SEPTIN5: variants seen among roughly 807,000 people sequenced by gnomAD.
SEPTIN5 encodes septin 5.
A neutral mutation model predicts 51.2 loss-of-function variants in SEPTIN5; 16 were observed. The observed-to-expected ratio is 0.31, with a 90% CI of 0.21 to 0.47. The LOEUF is 0.47. Ranked by LOEUF, SEPTIN5 falls within the 20% of genes least tolerant of loss-of-function variation. SEPTIN5 has a pLI of 0.99. For missense variants in SEPTIN5, 376 were observed against 500.3 expected (o/e 0.75, Z 2.37); for synonymous variants, 208 against 191.2 (o/e 1.09, Z -0.72).
chr22:19,721,002 C>T (rs1423908860), intron 8 of SEPTIN5, 133 bp downstream of exon 8: 1 of 759,566 alleles, frequency 1.3e-6, no homozygotes, highest in East Asian at 2.7e-5. Flanking sequence ...GTCATTTGTT[C>T]TAGGAGTAGA....
chr22:19,722,285 G>A lies in SEPTIN5; in HGVS notation c.999G>A (p.Pro333=), dbSNP rs759084605. ...TGGAGAGCCCCATCCCGATCCTGCC[G>A]CTGCCCACCCCGGACGCCGAGACTG... The part of the protein sequence containing the change: ...SRMESPIPIL[P]LPTPDAETEK... The change falls in exon 11 of 12, where the codon CCG becomes CCA. Residue 333 remains proline (P), a synonymous_variant. Transcript: ENST00000455784. 6.2e-7 allele frequency: 1 copy of A among 1,611,476 alleles called. No individual in the cohort carries two copies. The highest frequency in any genetic ancestry group is 1.7e-5 in the Admixed American group (1 of 59,916).
chr22:19,715,469 C>G (rs917546464), intron 2 of SEPTIN5, among the ~76,000 whole-genome samples: 18 of 150,820 alleles, frequency 1.2e-4, no homozygotes, highest in East Asian at 6.0e-4. Flanking sequence ...GAAACCCAGC[C>G]GAGCTCAGGG....
chr22:19,723,242 C>T lies in SEPTIN5; in HGVS notation c.*758C>T, dbSNP rs984300102. The T allele has an allele frequency of 7.6e-6, 5 of 660,012 alleles. No individual in the cohort carries two copies. The highest frequency in any genetic ancestry group is 1.4e-5 in the Non-Finnish European group (5 of 357,968). The allele number at this position is 660,012 out of a possible 1,614,324, so 40.9% of individuals were successfully genotyped here. ...TTCCCACCCGCATGATCCCTTCCCG[C>T]CACACGATGCTCCGTTTTCTTCCGT... On this transcript the variant is annotated 3_prime_UTR_variant, in exon 12 of 12. Coordinates refer to ENST00000455784, the MANE Select transcript of SEPTIN5 (RefSeq NM_002688.6).
rs940216759 is a variant in SEPTIN5, at chr22:19,723,253, T to A, written c.*769T>A. ...ATGATCCCTTCCCGCCACACGATGCTCCGTTTTCTTCCGTTGTGAATGCCG... is the reference window on the plus strand; with the variant it reads ...ATGATCCCTTCCCGCCACACGATGCACCGTTTTCTTCCGTTGTGAATGCCG... On this transcript the variant is annotated 3_prime_UTR_variant, in exon 12 of 12. Transcript: ENST00000455784. 1 of 673,678 alleles carries A rather than the reference T, an allele frequency of 1.5e-6. No homozygotes were observed. Among genetic ancestry groups the A allele is most frequent in the South Asian group, 1.5e-5 (1 of 66,510 alleles). 41.7% of individuals were successfully genotyped at this position (673,678 alleles called of 1,614,324 possible). A position where few individuals can be genotyped will look rare whatever the true frequency, so the allele number is the denominator to read the frequency against.
At chr22:19,720,506 C>T (rs1224589417) in intron 6 of SEPTIN5, 43 bp from the exon 7 acceptor site, 9 of 1,613,204 alleles carry the variant, frequency 5.6e-6, no homozygotes, top group African/African-American at 2.7e-5. Context: ...TACAATATGG[C>T]CCCCTGGCTG....
At position 19,714,664 on chromosome 22, in the gene SEPTIN5, CGCCTTTGTCCCCG is replaced by C. The variant is rs1317358970; in HGVS notation, c.43+34_43+46del. The stretch of plus-strand genomic sequence containing the variant: ...CAGCGCCTGCCCGCGTGCCCGCGCG[CGCCTTTGTCCCCG>C]CCGCCCGCGCGCCTCTCACCGTGTC... On this transcript the variant is annotated intron_variant, in intron 1 of 11. Transcript: ENST00000455784. This position sits in a 1 kb window ranked among gnomAD's most constrained non-coding sequence, Gnocchi z 5.2. 1.3e-6 allele frequency: 2 copies of C among 1,512,916 alleles called. No homozygotes were observed. Among genetic ancestry groups the C allele is most frequent in the African/African-American group, 1.4e-5 (1 of 69,602 alleles). The allele number at this position is 1,512,916 out of a possible 1,614,324, so 93.7% of individuals were successfully genotyped here.
At chr22:19,718,691 C>G in intron 2 of SEPTIN5, 3 of 1,273,342 alleles carry the variant, frequency 2.4e-6, no homozygotes, top group Non-Finnish European at 9.9e-7. Context: ...GCGGCCTGAC[C>G]GGGCCTGGGG....
chr22:19,721,787 C>T, intron 9 of SEPTIN5, 35 bp from the exon 10 acceptor site: 2 of 1,601,466 alleles, frequency 1.2e-6, no homozygotes, highest in Admixed American at 1.7e-5. Context: ...CTGTCCTGGG[C>T]CGGCGCCAGC....
At chr22:19,719,106 C>T (rs1935969856) in intron 2 of SEPTIN5, 1 of 306,556 alleles carries the variant, frequency 3.3e-6, no homozygotes, top group Non-Finnish European at 5.9e-6. Context: ...GGAGGCTCGG[C>T]GCCGCGGTCT....
At chr22:19,718,524 C>T in intron 2 of SEPTIN5, 1 of 1,275,854 alleles carries the variant, frequency 7.8e-7, no homozygotes, top group Non-Finnish European at 9.9e-7. Flanking sequence ...CCAGTTCGCC[C>T]AGTCAGGGGG....
chr22:19,718,657 G>T, intron 2 of SEPTIN5: 1 of 1,285,910 alleles, frequency 7.8e-7, no homozygotes, highest in Non-Finnish European at 9.8e-7. Flanking sequence ...CCGCGCCAAG[G>T]TCCCTCGCTG....
rs1299057379 is a variant in SEPTIN5 at position 19,720,008 on chromosome 22, C to T, written c.239-107C>T. 1.1e-5 allele frequency: 17 copies of T among 1,602,504 alleles called. No individual in the cohort carries two copies. The Admixed American group carries it at 2.7e-4, about 25-fold the overall frequency. The stretch of plus-strand genomic sequence containing the variant: ...GTTCTGTTCTCGCGGTGTGGGTCCC[C>T]TGGGGGTAGGGCCAAGGCACCAAGA... On this transcript the variant is annotated intron_variant, in intron 4 of 11. Transcript: ENST00000455784.
chr22:19,721,848 G>A lies in SEPTIN5; in HGVS notation c.841G>A (p.Val281Met). The change falls in exon 10 of 12, where the codon GTG becomes ATG. Residue 281 changes from valine (V) to methionine (M), a missense_variant. Val to Met is a conservative substitution (Grantham distance 21). Transcript: ENST00000455784. ...GGAGAACCAGGCGCATTGCGACTTCGTGAAGCTGCGCAACATGCTCATCCG... is the reference window on the plus strand; with the variant it reads ...GGAGAACCAGGCGCATTGCGACTTCATGAAGCTGCGCAACATGCTCATCCG... ...EVENQAHCDF[V>M]KLRNMLIRTH... 6.2e-7 allele frequency: 1 copy of A among 1,609,790 alleles called. No homozygotes were observed. The highest frequency in any genetic ancestry group is 8.5e-7 in the Non-Finnish European group (1 of 1,177,912).
At chr22:19,718,821 G>A in intron 2 of SEPTIN5, 3 of 1,237,376 alleles carry the variant, frequency 2.4e-6, no homozygotes, top group Non-Finnish European at 3.0e-6. Context: ...GGCTCAAGGT[G>A]CGTGTGTGGA....
rs1180220947 is a variant in SEPTIN5 at position 19,720,782 on chromosome 22, T to A, written c.630T>A (p.Ile210=). The A allele has an allele frequency of 6.2e-7, 1 of 1,613,564 alleles. No homozygotes were observed. The highest frequency in any genetic ancestry group is 1.1e-5 in the South Asian group (1 of 91,080). The change falls in exon 8 of 12, where the codon ATT becomes ATA. Residue 210 remains isoleucine, a synonymous_variant. Transcript: ENST00000455784. ...CCCCACCACAGATCCGGGAGGAGATTGACAAGTTTGGGATCCATGTATACC... is the reference window on the plus strand; with the variant it reads ...CCCCACCACAGATCCGGGAGGAGATAGACAAGTTTGGGATCCATGTATACC... ...RKLKERIREE[I]DKFGIHVYQF... is the part of the protein sequence containing the mutation.
At chr22:19,720,508 C>G (rs1294388483) in intron 6 of SEPTIN5, 41 bp from the exon 7 acceptor site, 1 of 1,613,418 alleles carries the variant, frequency 6.2e-7, no homozygotes, top group South Asian at 1.1e-5. Flanking sequence ...CAATATGGCC[C>G]CCTGGCTGTG....
Position 19,717,559 on chromosome 22 carries a change from G to T in SEPTIN5, c.55-2043G>T, listed in dbSNP as rs1476642573. The T allele has an allele frequency of 9.2e-6, 3 of 327,646 alleles. No individual in the cohort carries two copies. The East Asian group carries it at 3.0e-4, about 33-fold the overall frequency. The allele number at this position is 327,646 out of a possible 1,614,324, so 20.3% of individuals were successfully genotyped here. A position where few individuals can be genotyped will look rare whatever the true frequency, so the allele number is the denominator to read the frequency against. ...GGCCACCTGAGGGCTGCAGGGCAGC[G>T]CATGGGTGGCCGGCGTTTATTCAGC... On this transcript the variant is annotated intron_variant, in intron 2 of 11. Transcript: ENST00000455784.
chr22:19,720,073 C>CT (rs199523044), intron 4 of SEPTIN5, 42 bp from the exon 5 acceptor site: 36,117 of 1,612,074 alleles, frequency 0.022, 540 homozygotes, highest in Non-Finnish European at 0.027. Flanking sequence ...GGGTGAGGGG[C>CT]TGAGGGTTGG....
Position 19,722,741 on chromosome 22 carries a change from T to C in SEPTIN5, c.*257T>C, listed in dbSNP as rs1286507357. On this transcript the variant is annotated 3_prime_UTR_variant, in exon 12 of 12. Coordinates refer to ENST00000455784, the MANE Select transcript of SEPTIN5 (RefSeq NM_002688.6). ...CTTCAGAGATCCGCCTCCCTTGCCC[T>C]TCCCCCGCCCCCGGACGGTCACAGC... is the stretch of plus-strand genomic sequence containing the variant. 1 of 528,814 alleles carries C rather than the reference T, an allele frequency of 1.9e-6. No individual in the cohort carries two copies. The highest frequency in any genetic ancestry group is 3.3e-5 in the Admixed American group (1 of 29,954). 32.8% of individuals were successfully genotyped at this position (528,814 alleles called of 1,614,324 possible). A position where few individuals can be genotyped will look rare whatever the true frequency, so the allele number is the denominator to read the frequency against.
Sources: gnomAD v4.1 joint callset for allele counts (sites outside exome capture counted in the v4.1 genomes callset) on GRCh38, gnomAD v4.1.1 for gene constraint, Gnocchi (gnomAD v3.1) non-coding constraint, MANE v1.5 for transcripts, NCBI Gene and HGNC (gene_info 2026-07-23, HGNC 2026-07-21) for gene names.